VSIG1: variants seen among roughly 807,000 people sequenced by gnomAD.
VSIG1 encodes V-set and immunoglobulin domain containing 1, also known as V-set and immunoglobulin domain-containing protein 1.
VSIG1 carries 11 observed loss-of-function variants against 20.1 expected under a neutral mutation model. The ratio of observed to expected loss-of-function variants is 0.55; its 90% CI spans 0.34 to 0.91. The LOEUF is 0.91. Among genes scored for constraint, VSIG1 ranks in the 40% least tolerant of loss-of-function variants. The pLI is 0.02. For missense variants in VSIG1, 283 were observed against 298.8 expected (o/e 0.95, Z 0.39); for synonymous variants, 126 against 116.7 (o/e 1.08, Z -0.52).
At chrX:108,059,769 C>T (rs767731582) in intron 2 of VSIG1, among the ~76,000 whole-genome samples, 7 of 112,497 alleles carry the variant, frequency 6.2e-5, no homozygotes, top group African/African-American at 1.9e-4. Flanking sequence ...AATTCAATTT[C>T]CGGACTAGTC....
chrX:108,046,056 A>G (rs191666571), intron 1 of VSIG1, among the ~76,000 whole-genome samples: 5 of 111,765 alleles, frequency 4.5e-5, no homozygotes, highest in Admixed American at 3.8e-4. Context: ...AGAAGGTTAT[A>G]TACCGAAGTG....
chrX:108,073,154 A>G (rs772277065), intron 4 of VSIG1, 96 bp from the exon 5 acceptor site: 4 of 1,026,698 alleles, frequency 3.9e-6, no homozygotes, highest in Non-Finnish European at 2.7e-6. Context: ...AGAGAGGCCA[A>G]TATGGGGGAG....
intron 1 of VSIG1, among the ~76,000 whole-genome samples, chrX:108,048,704 G>T (rs748055929): frequency 8.9e-6 from 1 of 112,591 alleles, no homozygotes; most frequent in East Asian, 2.8e-4. Flanking sequence ...TTAGGACTAA[G>T]TTTGCACTGC....
chrX:108,059,129 T>G (rs957921850), intron 2 of VSIG1, among the ~76,000 whole-genome samples: 1 of 111,670 alleles, frequency 9.0e-6, no homozygotes, highest in Non-Finnish European at 1.9e-5. Context: ...TCGGTGTGGT[T>G]TGGAATAGTT....
intron 1 of VSIG1, 66 bp from the exon 2 acceptor site, chrX:108,057,972 T>C (rs1430089801): frequency 2.9e-6 from 3 of 1,041,701 alleles, no homozygotes; most frequent in Non-Finnish European, 3.9e-6. Flanking sequence ...GTAAGTGTTC[T>C]GTGATGAAAC....
At chrX:108,055,125 A>G (rs1249579497) in intron 1 of VSIG1, among the ~76,000 whole-genome samples, 1 of 111,114 alleles carries the variant, frequency 9.0e-6, no homozygotes, top group African/African-American at 3.3e-5. Flanking sequence ...AATATGGAAT[A>G]TCACTATAGA....
upstream of VSIG1, among the ~76,000 whole-genome samples, chrX:108,040,742 A>G (rs2030466414): frequency 8.9e-6 from 1 of 112,236 alleles, no homozygotes; most frequent in African/African-American, 3.2e-5. Flanking sequence ...GACAAGGTTG[A>G]TCTATAGATG....
chrX:108,050,190 T>C (rs2030754311), intron 1 of VSIG1, among the ~76,000 whole-genome samples: 1 of 112,288 alleles, frequency 8.9e-6, no homozygotes, highest in African/African-American at 3.2e-5. Flanking sequence ...TTTTTAAAAG[T>C]GTTTGTCAAT....
At chrX:108,073,403 T>C (rs764922945) in intron 5 of VSIG1, 34 bp downstream of exon 5, 2 of 1,201,475 alleles carry the variant, frequency 1.7e-6, no homozygotes, top group Admixed American at 4.4e-5. Context: ...CGGTTTCTCC[T>C]TAAATCAAGT....
At chrX:108,064,907 A>G (rs1359635040) in intron 2 of VSIG1, 2 of 218,797 alleles carry the variant, frequency 9.1e-6, no homozygotes, top group African/African-American at 3.0e-5. Flanking sequence ...CCTCTGATGT[A>G]TTGAACCTCC....
the VSIG1 span, among the ~76,000 whole-genome samples, chrX:108,023,867 G>T: frequency 9.0e-6 from 1 of 111,710 alleles, no homozygotes; most frequent in African/African-American, 3.3e-5. Context: ...AACAGCTTAG[G>T]GTTGGCTACT....
At chrX:108,042,156 T>C (rs2147911916), upstream of VSIG1, among the ~76,000 whole-genome samples, 1 of 112,307 alleles carries the variant, frequency 8.9e-6, no homozygotes, top group African/African-American at 3.2e-5. Context: ...AATTCTCTTT[T>C]AGAGTTTGTT....
the VSIG1 span, among the ~76,000 whole-genome samples, chrX:108,033,978 G>GTTT: frequency 9.1e-6 from 1 of 110,394 alleles, no homozygotes; most frequent in South Asian, 3.9e-4. Context: ...AGCAGAAAAA[G>GTTT]GAAGACACAA....
intron 1 of VSIG1, among the ~76,000 whole-genome samples, chrX:108,047,435 C>T (rs1282763535): frequency 9.0e-6 from 1 of 110,928 alleles, no homozygotes; most frequent in Non-Finnish European, 1.9e-5. Flanking sequence ...GTATTAGTCA[C>T]CTCTTAGAAA....
chrX:108,031,757 A>G, the VSIG1 span, among the ~76,000 whole-genome samples: 2 of 112,418 alleles, frequency 1.8e-5, no homozygotes, highest in South Asian at 3.7e-4. Flanking sequence ...CATTGTGCAT[A>G]TTTATCGTGT....
intron 1 of VSIG1, among the ~76,000 whole-genome samples, chrX:108,054,336 C>T (rs2030847059): frequency 9.0e-6 from 1 of 111,404 alleles, no homozygotes; most frequent in Admixed American, 9.5e-5. Context: ...AAATTCAATA[C>T]CCCCTCTCAG....
At chrX:108,058,290 G>A (rs747139814) in intron 2 of VSIG1, 89 bp downstream of exon 2, 72 of 926,772 alleles carry the variant, frequency 7.8e-5, no homozygotes, top group African/African-American at 9.8e-5. Flanking sequence ...TGAAAGAATG[G>A]CATGCCAGTG....
chrX:108,031,059 C>T, the VSIG1 span, among the ~76,000 whole-genome samples: 1 of 112,171 alleles, frequency 8.9e-6, no homozygotes, highest in Non-Finnish European at 1.9e-5. Context: ...CAGATATTTT[C>T]TTCTACCTAC....
In VSIG1 at chrX:108,076,146, T is replaced by C. The variant is rs1469428360; in HGVS notation, c.758T>C (p.Val253Ala). The C allele has an allele frequency of 8.3e-7, 1 of 1,211,568 alleles. No homozygotes were observed. The highest frequency in any genetic ancestry group is 2.3e-4 in the Middle Eastern group (1 of 4,355). Residue 253 changes from valine (V) to alanine (A), a missense_variant, in exon 6 of 7, where the codon GTT becomes GCT. Transcript: ENST00000217957. ...SLVGAAIIIS[V>A]VCFARNKAKA... ...GTAGGTGCCGCCATCATCATCTCTGTTGTGTGCTTCGCAAGGAATAAGGCA... is the reference window on the plus strand; with the variant it reads ...GTAGGTGCCGCCATCATCATCTCTGCTGTGTGCTTCGCAAGGAATAAGGCA...
Sources: allele counts gnomAD v4.1 joint callset (sites outside exome capture counted in the v4.1 genomes callset), GRCh38; gene constraint gnomAD v4.1.1; transcripts MANE v1.5; gene names NCBI Gene and HGNC (gene_info 2026-07-23, HGNC 2026-07-21).